The following MNAT1 variants were observed in gnomAD, a reference collection of about 807,000 sequenced individuals.
The protein encoded by MNAT1 is MNAT1 component of CDK activating kinase, also known as CDK-activating kinase assembly factor MAT1.
MNAT1 carries 43 observed loss-of-function variants against 42.0 expected under a neutral mutation model. The ratio of observed to expected loss-of-function variants is 1.02; its 90% CI spans 0.80 to 1.32. The LOEUF (loss-of-function observed/expected upper bound fraction) is 1.32. Among genes scored for constraint, MNAT1 ranks in the 40% most tolerant of loss-of-function variants. The pLI, the probability that MNAT1 is intolerant of heterozygous loss-of-function variation, is 0.00. For synonymous variants in MNAT1, 118 were observed against 120.0 expected (o/e 0.98, Z 0.11); for missense variants, 306 against 350.4 (o/e 0.87, Z 1.01).
chr14:60,737,190 A>G (rs1012557257), intron 1 of MNAT1, among the ~76,000 whole-genome samples: 1 of 152,124 alleles, frequency 6.6e-6, no homozygotes, highest in African/African-American at 2.4e-5. Flanking sequence ...TTAAAATTAT[A>G]TAAGCTATTA....
chr14:60,861,701 TA>T (rs1375007241), intron 6 of MNAT1, among the ~76,000 whole-genome samples: 1 of 152,244 alleles, frequency 6.6e-6, no homozygotes, highest in Non-Finnish European at 1.5e-5. Context: ...GTTGAGCAAT[TA>T]GCTGATAAGC....
intron 1 of MNAT1, among the ~76,000 whole-genome samples, chr14:60,785,271 C>T (rs1204429339): frequency 1.3e-5 from 2 of 152,056 alleles, no homozygotes; most frequent in Non-Finnish European, 2.9e-5. Flanking sequence ...TCCATTTCCC[C>T]CTCTTTATTA....
At chr14:60,773,905 G>A (rs2031155928) in intron 1 of MNAT1, among the ~76,000 whole-genome samples, 1 of 152,206 alleles carries the variant, frequency 6.6e-6, no homozygotes, top group African/African-American at 2.4e-5. Flanking sequence ...AAGCAAAACT[G>A]GAGCTTTGGT....
chr14:60,829,863 G>A (rs1163357646), intron 6 of MNAT1, among the ~76,000 whole-genome samples: 5 of 152,186 alleles, frequency 3.3e-5, no homozygotes, highest in Non-Finnish European at 5.9e-5. Context: ...TAATGAGGCA[G>A]ATTTCAGCTT....
At chr14:60,858,272 T>C (rs1349379106) in intron 6 of MNAT1, among the ~76,000 whole-genome samples, 1 of 152,250 alleles carries the variant, frequency 6.6e-6, no homozygotes, top group Non-Finnish European at 1.5e-5. Context: ...CCATTCTCAC[T>C]GGCATGAGAT....
intron 7 of MNAT1, among the ~76,000 whole-genome samples, chr14:60,943,020 GT>G (rs2036203795): frequency 7.9e-6 from 1 of 126,718 alleles, no homozygotes; most frequent in Admixed American, 8.2e-5. Flanking sequence ...GTGTGTGTGT[GT>G]GTGTGTGTGT....
chr14:60,823,568 G>A (rs935309443), intron 6 of MNAT1, among the ~76,000 whole-genome samples: 3 of 152,094 alleles, frequency 2.0e-5, no homozygotes, highest in Non-Finnish European at 2.9e-5. Flanking sequence ...AGAAATCACT[G>A]TACTTGTGGG....
chr14:60,751,404 TA>T (rs1270760756), intron 1 of MNAT1, among the ~76,000 whole-genome samples: 4 of 152,038 alleles, frequency 2.6e-5, no homozygotes, highest in African/African-American at 4.8e-5. Context: ...TAGCTTACGA[TA>T]AAAAGCATCT....
chr14:60,750,658 T>C (rs992375948), intron 1 of MNAT1, among the ~76,000 whole-genome samples: 4 of 151,754 alleles, frequency 2.6e-5, no homozygotes, highest in African/African-American at 9.7e-5. Context: ...AAAAAATTAC[T>C]ATTTGCTAAA....
chr14:60,928,735 A>AT (rs1023172161), intron 7 of MNAT1, among the ~76,000 whole-genome samples: 2 of 151,978 alleles, frequency 1.3e-5, no homozygotes, highest in Non-Finnish European at 2.9e-5. Context: ...TGATTATGTG[A>AT]TTTTTTAAAT....
intron 7 of MNAT1, among the ~76,000 whole-genome samples, chr14:60,894,121 G>T (rs568667371): frequency 5.3e-5 from 8 of 152,222 alleles, no homozygotes; most frequent in African/African-American, 1.7e-4. Context: ...TTGCATCAGT[G>T]TAGGACCCTA....
chr14:60,895,097 A>G (rs1409577332), intron 7 of MNAT1, among the ~76,000 whole-genome samples: 1 of 152,214 alleles, frequency 6.6e-6, no homozygotes, highest in Non-Finnish European at 1.5e-5. Context: ...GACTTTAGTT[A>G]TTAGAGCCAG....
At chr14:60,839,393 C>G (rs923884121) in intron 6 of MNAT1, among the ~76,000 whole-genome samples, 4 of 152,300 alleles carry the variant, frequency 2.6e-5, no homozygotes, top group East Asian at 3.9e-4. Context: ...GGAGCTACCC[C>G]CTTCCAGTCT....
intron 7 of MNAT1, among the ~76,000 whole-genome samples, chr14:60,899,984 G>A (rs4902014): frequency 0.92 from 140,240 of 151,736 alleles, 65,354 homozygotes; most frequent in Non-Finnish European, 0.99. Flanking sequence ...AACTGTACCC[G>A]TATAAGAAGG....
chr14:60,916,538 C>T (rs1051844838), intron 7 of MNAT1, among the ~76,000 whole-genome samples: 1 of 152,108 alleles, frequency 6.6e-6, no homozygotes, highest in African/African-American at 2.4e-5. Flanking sequence ...ATCTGTGTTC[C>T]CAGCTACCCA....
At position 60,949,255 on chromosome 14, in the gene MNAT1, C is replaced by T. The variant is rs191354218; in HGVS notation, c.810-18974C>T. On this transcript the variant is annotated intron_variant, in intron 7 of 7. Transcript: ENST00000261245. ...CTGTTGACTAATTGTAGCGGGTTCT[C>T]TCCAAAGCATGTTCTTGGCGTAGGA... Among the ~76,000 whole-genome samples, 203 of 152,186 alleles carry T rather than the reference C, an allele frequency of 1.3e-3. 3 individuals carry two copies. The highest frequency in any genetic ancestry group is 0.012 in the Admixed American group (186 of 15,286).
chr14:60,935,736 A>T (rs2035981087), intron 7 of MNAT1, among the ~76,000 whole-genome samples: 1 of 152,174 alleles, frequency 6.6e-6, no homozygotes, highest in African/African-American at 2.4e-5. Context: ...TAGATTCTAT[A>T]TACATAGATT....
intron 6 of MNAT1, among the ~76,000 whole-genome samples, chr14:60,848,450 T>TA (rs984404866): frequency 6.6e-6 from 1 of 152,222 alleles, no homozygotes; most frequent in Non-Finnish European, 1.5e-5. Flanking sequence ...CATTGTGTTT[T>TA]AAAAATAGTT....
At chr14:60,742,602 T>G (rs1414052291) in intron 1 of MNAT1, among the ~76,000 whole-genome samples, 1 of 152,292 alleles carries the variant, frequency 6.6e-6, no homozygotes, top group East Asian at 1.9e-4. Context: ...CTCAGAGATG[T>G]ACATATTACC....
Sources: gnomAD v4.1 joint callset for allele counts (sites outside exome capture counted in the v4.1 genomes callset) on GRCh38, gnomAD v4.1.1 for gene constraint, MANE v1.5 for transcripts, NCBI Gene and HGNC (gene_info 2026-07-23, HGNC 2026-07-21) for gene names.